Variants in SUSD6 observed in about 807,000 individuals in gnomAD.
SUSD6 encodes the protein sushi domain containing 6.
Under a neutral mutation model 28.4 loss-of-function variants are expected in SUSD6, and 16 were observed. The ratio of observed to expected loss-of-function variants is 0.56; its 90% CI spans 0.38 to 0.86. The LOEUF is 0.86. SUSD6 is among the 40% of genes least tolerant of loss of function. The pLI is 0.00. For synonymous variants in SUSD6, 147 were observed against 159.6 expected (o/e 0.92, Z 0.59); for missense variants, 341 against 384.2 (o/e 0.89, Z 0.94).
At position 69,700,852 on chromosome 14, in the gene SUSD6, A is replaced by G. The variant is rs144512593; in HGVS notation, c.122-2543A>G. Reference sequence around the variant, plus strand: ...GACGGGACACTGTGCACCCTTTTTGAATTTAATACCTTGTATATTTCCCAT... The same window carrying G: ...GACGGGACACTGTGCACCCTTTTTGGATTTAATACCTTGTATATTTCCCAT... On this transcript the variant is annotated intron_variant, in intron 2 of 5. Coordinates refer to ENST00000342745, the MANE Select transcript of SUSD6 (RefSeq NM_014734.4). Among the ~76,000 whole-genome samples the G allele has an allele frequency of 2.6e-5, 4 of 152,322 alleles. No individual in the cohort carries two copies. The East Asian group carries it at 7.7e-4, about 29-fold the overall frequency.
Position 69,710,944 on chromosome 14 carries a change from C to T in SUSD6, c.887-10C>T, listed in dbSNP as rs376758017. ...GTAACCACTGTGCTTTTCTTCTGGT[C>T]TTCCTGCAGATATTCCACTGTTGAA... On this transcript the variant is annotated splice_polypyrimidine_tract_variant and intron_variant, in intron 5 of 5. Coordinates refer to ENST00000342745, the MANE Select transcript of SUSD6 (RefSeq NM_014734.4). The T allele has an allele frequency of 6.2e-7, 1 of 1,614,018 alleles. No homozygotes were observed. Among genetic ancestry groups the T allele is most frequent in the East Asian group, 2.2e-5 (1 of 44,868 alleles).
chr14:69,638,750 A>G (rs1243118138), intron 1 of SUSD6, among the ~76,000 whole-genome samples: 2 of 152,122 alleles, frequency 1.3e-5, no homozygotes, highest in Admixed American at 6.5e-5. Flanking sequence ...TGTCCTTCCT[A>G]TTCCACCTTT....
chr14:69,618,817 G>C (rs756431334), intron 1 of SUSD6, among the ~76,000 whole-genome samples: 1 of 152,188 alleles, frequency 6.6e-6, no homozygotes, highest in Non-Finnish European at 1.5e-5. Context: ...AGTTTCCAAA[G>C]GTTGAGTGAA....
At chr14:69,627,779 G>A (rs554359965) in intron 1 of SUSD6, among the ~76,000 whole-genome samples, 6 of 152,184 alleles carry the variant, frequency 3.9e-5, no homozygotes, top group African/African-American at 1.2e-4. Flanking sequence ...GGTATTTCTA[G>A]TAAAAGTGGC....
At chr14:69,664,785 C>T (rs1231200043) in intron 2 of SUSD6, among the ~76,000 whole-genome samples, 1 of 152,200 alleles carries the variant, frequency 6.6e-6, no homozygotes, top group Non-Finnish European at 1.5e-5. Flanking sequence ...ACCCTGCTAA[C>T]TTGCCAGCTT....
intron 2 of SUSD6, among the ~76,000 whole-genome samples, chr14:69,696,287 A>G (rs937128205): frequency 6.6e-6 from 1 of 152,226 alleles, no homozygotes; most frequent in African/African-American, 2.4e-5. Context: ...TAAAGTGGAG[A>G]AAATATAGTA....
rs112531322 is a variant in SUSD6 at position 69,680,942 on chromosome 14, C to T, written c.121+22229C>T. 1.8e-3 allele frequency among the ~76,000 whole-genome samples: 275 copies of T among 152,284 alleles called. 2 individuals carry two copies. The highest frequency in any genetic ancestry group is 6.4e-3 in the African/African-American group (265 of 41,558). On this transcript the variant is annotated intron_variant, in intron 2 of 5. Transcript: ENST00000342745. Reference sequence around the variant, plus strand: ...CACTTGTAGCTTTGTTTGGGGAAGGCTGATACATCTCCATCCCTTCCCCAA... The same window carrying T: ...CACTTGTAGCTTTGTTTGGGGAAGGTTGATACATCTCCATCCCTTCCCCAA...
At chr14:69,613,975 T>A (rs1207149953) in intron 1 of SUSD6, among the ~76,000 whole-genome samples, 1 of 152,208 alleles carries the variant, frequency 6.6e-6, no homozygotes, top group African/African-American at 2.4e-5. Flanking sequence ...AATGAGGTGT[T>A]ACAGATACAG....
At chr14:69,695,786 C>T (rs1299215169) in intron 2 of SUSD6, among the ~76,000 whole-genome samples, 2 of 152,194 alleles carry the variant, frequency 1.3e-5, no homozygotes, top group African/African-American at 2.4e-5. Context: ...TTTTGTGAAA[C>T]TTAAATGAGT....
rs1045397009 is a variant in SUSD6 at position 69,714,440 on chromosome 14, C to G, written c.*3461C>G. 2.0e-5 allele frequency: 3 copies of G among 151,786 alleles called. No homozygotes were observed. The highest frequency in any genetic ancestry group is 1.3e-4 in the Admixed American group (2 of 15,264). 9.4% of individuals were successfully genotyped at this position (151,786 alleles called of 1,614,324 possible). On this transcript the variant is annotated 3_prime_UTR_variant, in exon 6 of 6. Transcript: ENST00000342745. ...ATTTCTGCATCCTTACTCCTCACCC[C>G]CAAAGAAAAAAAAAAGGCCTAGCAG...
At chr14:69,703,349 C>A in intron 2 of SUSD6, 46 bp from the exon 3 acceptor site, 1 of 1,482,096 alleles carries the variant, frequency 6.7e-7, no homozygotes, top group Non-Finnish European at 9.4e-7. Flanking sequence ...CAGACTCCTA[C>A]TGGATACCTC....
intron 2 of SUSD6, among the ~76,000 whole-genome samples, chr14:69,663,827 C>T (rs1885697700): frequency 6.6e-6 from 1 of 152,032 alleles, no homozygotes; most frequent in African/African-American, 2.4e-5. Context: ...TTCACTGAGA[C>T]CTGTTTTTTG....
intron 2 of SUSD6, chr14:69,670,450 C>T: frequency 2.2e-6 from 1 of 456,696 alleles, no homozygotes; most frequent in Non-Finnish European, 4.4e-6. Context: ...CCTGACTCAG[C>T]TTGAATTGGT....
intron 2 of SUSD6, among the ~76,000 whole-genome samples, chr14:69,681,108 A>C (rs779567363): frequency 2.6e-5 from 4 of 152,208 alleles, no homozygotes; most frequent in African/African-American, 4.8e-5. Context: ...GTCTTCCTAC[A>C]TGCCTTTCCT....
chr14:69,661,962 G>A (rs1245284261), intron 2 of SUSD6, among the ~76,000 whole-genome samples: 1 of 151,962 alleles, frequency 6.6e-6, no homozygotes, highest in East Asian at 1.9e-4. Context: ...ACCATGCCCA[G>A]TTAATTAAAA....
chr14:69,646,497 A>G (rs1422917989), intron 1 of SUSD6, among the ~76,000 whole-genome samples: 2 of 152,070 alleles, frequency 1.3e-5, no homozygotes, highest in Non-Finnish European at 2.9e-5. Context: ...AGGGTTTCAC[A>G]TTCATTTCTA....
At chr14:69,614,085 T>C (rs1384158896) in intron 1 of SUSD6, among the ~76,000 whole-genome samples, 3 of 152,196 alleles carry the variant, frequency 2.0e-5, no homozygotes, top group Non-Finnish European at 4.4e-5. Flanking sequence ...TTATTTTTTT[T>C]GAGATGGAGT....
chr14:69,671,211 A>G (rs1188110664), intron 2 of SUSD6, among the ~76,000 whole-genome samples: 2 of 152,222 alleles, frequency 1.3e-5, no homozygotes, highest in African/African-American at 2.4e-5. Context: ...AGAAAAAACA[A>G]ACTCTAGCTA....
intron 2 of SUSD6, among the ~76,000 whole-genome samples, chr14:69,686,638 T>A (rs1886078195): frequency 6.6e-6 from 1 of 152,194 alleles, no homozygotes; most frequent in African/African-American, 2.4e-5. Context: ...AAAAGCAAGT[T>A]ACATGTTACA....
Sources: allele counts gnomAD v4.1 joint callset (sites outside exome capture counted in the v4.1 genomes callset), GRCh38; gene constraint gnomAD v4.1.1; transcripts MANE v1.5; gene names NCBI Gene and HGNC (gene_info 2026-07-23, HGNC 2026-07-21).